Variants in TBCK observed in about 807,000 individuals in gnomAD.
The protein encoded by TBCK is TBC domain-containing protein kinase-like protein.
A neutral mutation model predicts 113.4 loss-of-function variants in TBCK; 99 were observed. That is an observed-to-expected ratio of 0.87 (90% confidence interval 0.74 to 1.03). TBCK has a LOEUF of 1.03. Ranked by LOEUF, TBCK falls within the 50% of genes least tolerant of loss-of-function variation. The pLI is 0.00. For synonymous variants in TBCK, 369 were observed against 370.8 expected, an observed-to-expected ratio of 1.00 and a Z score of 0.05; for missense variants, 1,045 against 1,061.3, an observed-to-expected ratio of 0.98 and a Z score of 0.21.
At chr4:106,285,119 A>G (rs1439590575) in intron 3 of TBCK, among the ~76,000 whole-genome samples, 1 of 152,150 alleles carries the variant, frequency 6.6e-6, no homozygotes, top group African/African-American at 2.4e-5. Context: ...AAGCCACTGG[A>G]AAGACAGCAG....
intron 13 of TBCK, 105 bp from the exon 14 acceptor site, chr4:106,236,624 A>C: frequency 8.7e-7 from 1 of 1,155,788 alleles, no homozygotes; most frequent in South Asian, 3.3e-5. Context: ...AAAAGCACAA[A>C]ATTTTAATAA....
intron 20 of TBCK, among the ~76,000 whole-genome samples, chr4:106,205,002 T>G (rs900934307): frequency 5.3e-5 from 8 of 151,536 alleles, no homozygotes; most frequent in African/African-American, 1.9e-4. Flanking sequence ...CCTGACCTCA[T>G]GATCCACCCG....
intron 12 of TBCK, among the ~76,000 whole-genome samples, chr4:106,239,690 TAAAC>T (rs1393655202): frequency 2.6e-5 from 4 of 151,822 alleles, no homozygotes. Context: ...AAAAACAAAA[TAAAC>T]AACCTGAGTA....
At chr4:106,053,524 C>G (rs1735049428) in intron 25 of TBCK, among the ~76,000 whole-genome samples, 2 of 151,624 alleles carry the variant, frequency 1.3e-5, no homozygotes, top group African/African-American at 4.8e-5. Context: ...TTTATCTTAT[C>G]TTTTTGACTT....
chr4:106,165,189 C>T (rs1750227408), intron 23 of TBCK, among the ~76,000 whole-genome samples: 1 of 151,618 alleles, frequency 6.6e-6, no homozygotes, highest in Non-Finnish European at 1.5e-5. Context: ...CGTTCAAAAA[C>T]ATTCAATCTA....
At chr4:106,234,187 C>T (rs1361777869) in intron 15 of TBCK, among the ~76,000 whole-genome samples, 1 of 152,000 alleles carries the variant, frequency 6.6e-6, no homozygotes, top group Admixed American at 6.6e-5. Flanking sequence ...GTTCAAACTC[C>T]AATATCGGCT....
intron 3 of TBCK, among the ~76,000 whole-genome samples, chr4:106,266,639 A>T (rs1371102491): frequency 6.6e-6 from 1 of 151,800 alleles, no homozygotes; most frequent in African/African-American, 2.4e-5. Context: ...TAAATGACAT[A>T]CCGTTTCTTA....
At chr4:106,264,625 CAGAA>C (rs1762814564) in intron 3 of TBCK, among the ~76,000 whole-genome samples, 1 of 151,894 alleles carries the variant, frequency 6.6e-6, no homozygotes, top group African/African-American at 2.4e-5. Flanking sequence ...GAACTAAGCA[CAGAA>C]AGAAATAGAA....
At chr4:106,260,566 A>T in intron 4 of TBCK, 56 bp from the exon 5 acceptor site, 1 of 536,108 alleles carries the variant, frequency 1.9e-6, no homozygotes, top group Non-Finnish European at 3.1e-6. Context: ...TTGGCAACAT[A>T]TAATTTATAT....
chr4:106,247,072 A>G, intron 10 of TBCK, 67 bp downstream of exon 10: 2 of 1,489,470 alleles, frequency 1.3e-6, no homozygotes, highest in Admixed American at 4.0e-5. Context: ...CAAAACTGAA[A>G]GTAGGACAAG....
intron 25 of TBCK, among the ~76,000 whole-genome samples, chr4:106,084,519 A>T (rs945493558): frequency 7.2e-5 from 11 of 152,206 alleles, no homozygotes; most frequent in African/African-American, 2.7e-4. Context: ...ACACTTCAGG[A>T]TATTAGCCAG....
chr4:106,065,647 CCACTT>C (rs1736557760), intron 25 of TBCK, among the ~76,000 whole-genome samples: 2 of 152,132 alleles, frequency 1.3e-5, no homozygotes, highest in South Asian at 2.1e-4. Context: ...ATCTAGGACT[CCACTT>C]CACTCATTAG....
intron 22 of TBCK, among the ~76,000 whole-genome samples, chr4:106,183,384 G>A (rs1256876184): frequency 2.0e-5 from 3 of 151,788 alleles, no homozygotes; most frequent in Non-Finnish European, 4.4e-5. Context: ...CACCACCCCA[G>A]CCCATCCACT....
intron 23 of TBCK, among the ~76,000 whole-genome samples, chr4:106,136,727 A>G (rs1245941872): frequency 2.1e-5 from 3 of 141,066 alleles, no homozygotes; most frequent in African/African-American, 7.5e-5. Flanking sequence ...CAAATAGCCA[A>G]TCAAAGTTTC....
At chr4:106,091,606 C>T (rs142014669) in intron 25 of TBCK, among the ~76,000 whole-genome samples, 2,094 of 151,958 alleles carry the variant, frequency 0.014, 53 homozygotes, top group African/African-American at 0.047. Context: ...GCTCTTAAGG[C>T]GGCACATCTG....
chr4:106,193,513 G>A (rs748424541), intron 22 of TBCK, 96 bp downstream of exon 22: 15 of 1,289,920 alleles, frequency 1.2e-5, no homozygotes, highest in Non-Finnish European at 1.5e-5. Flanking sequence ...AAGAGATGCT[G>A]AAGGCCTGGA....
At chr4:106,091,747 T>C (rs959701387) in intron 25 of TBCK, among the ~76,000 whole-genome samples, 1 of 152,174 alleles carries the variant, frequency 6.6e-6, no homozygotes, top group Non-Finnish European at 1.5e-5. Flanking sequence ...CAAGATTTAC[T>C]GCAAAGAGCA....
At chr4:106,255,147 ATATT>A (rs1244207908) in intron 5 of TBCK, 1 of 164,348 alleles carries the variant, frequency 6.1e-6, no homozygotes, top group Non-Finnish European at 1.3e-5. Context: ...TGATATCTCC[ATATT>A]TATTTAGGTC....
intron 3 of TBCK, among the ~76,000 whole-genome samples, chr4:106,294,229 T>C (rs2125842404): frequency 6.6e-6 from 1 of 152,114 alleles, no homozygotes; most frequent in African/African-American, 2.4e-5. Flanking sequence ...CGCGCTCTTT[T>C]GCCCAGGCTG....
Sources: gnomAD v4.1 joint callset for allele counts (sites outside exome capture counted in the v4.1 genomes callset) on GRCh38, gnomAD v4.1.1 for gene constraint, MANE v1.5 for transcripts, NCBI Gene and HGNC (gene_info 2026-07-23, HGNC 2026-07-21) for gene names.